BRDT: variants seen among roughly 807,000 people sequenced by gnomAD.
BRDT encodes bromodomain testis associated, also known as bromodomain testis-specific protein.
Under a neutral mutation model 113.9 loss-of-function variants are expected in BRDT, and 77 were observed. The ratio of observed to expected loss-of-function variants is 0.68; its 90% CI spans 0.56 to 0.82. The LOEUF (loss-of-function observed/expected upper bound fraction) is 0.82, where lower values mean the gene tolerates loss of function less well. Among genes scored for constraint, BRDT ranks in the 40% least tolerant of loss-of-function variants. BRDT has a pLI of 0.00. For synonymous variants in BRDT, 358 were observed against 366.5 expected, an observed-to-expected ratio of 0.98 and a Z score of 0.26; for missense variants, 1,027 against 1,105.4, an observed-to-expected ratio of 0.93 and a Z score of 1.01.
intron 3 of BRDT, 35 bp from the exon 4 acceptor site, chr1:91,968,111 G>A: frequency 6.2e-7 from 1 of 1,608,096 alleles, no homozygotes; most frequent in South Asian, 1.1e-5. Context: ...TGACCATACT[G>A]TATATCCTTA....
intron 18 of BRDT, among the ~76,000 whole-genome samples, chr1:92,011,760 A>G (rs1557872970): frequency 6.6e-6 from 1 of 152,226 alleles, no homozygotes. Flanking sequence ...TAGCAGCTTG[A>G]TAACTAACAA....
At position 91,979,199 on chromosome 1, in the gene BRDT, C is replaced by T. The variant is rs573521594; in HGVS notation, c.1099-370C>T. Among the ~76,000 whole-genome samples, 99 of 150,862 alleles carry T rather than the reference C, an allele frequency of 6.6e-4. No homozygotes were observed. The Middle Eastern group carries it at 0.01, about 16-fold the overall frequency. On this transcript the variant is annotated intron_variant, in intron 7 of 18. Coordinates refer to ENST00000399546, the MANE Select transcript of BRDT (RefSeq NM_207189.4). Reference sequence around the variant, plus strand: ...CGCAATCTTGGCTCACTGCAACCTCCGCCTCCCGGGTTCAAGCGATTCTCC... The same window carrying T: ...CGCAATCTTGGCTCACTGCAACCTCTGCCTCCCGGGTTCAAGCGATTCTCC...
intron 1 of BRDT, among the ~76,000 whole-genome samples, chr1:91,958,591 A>G (rs116765700): frequency 0.042 from 6,414 of 152,194 alleles, 176 homozygotes; most frequent in Non-Finnish European, 0.06. Flanking sequence ...CCTTTCACCT[A>G]CTTAAGGACA....
chr1:92,009,315 G>A (rs1330908406), intron 18 of BRDT, among the ~76,000 whole-genome samples: 1 of 151,184 alleles, frequency 6.6e-6, no homozygotes, highest in African/African-American at 2.4e-5. Context: ...AGATTGAATA[G>A]TGTTCCATTA....
chr1:91,987,919 C>T (rs1685408673), intron 12 of BRDT, among the ~76,000 whole-genome samples: 1 of 151,706 alleles, frequency 6.6e-6, no homozygotes, highest in Admixed American at 6.6e-5. Flanking sequence ...GCACACTCTC[C>T]ACTCACTGCA....
chr1:91,994,096 T>C lies in BRDT; in HGVS notation c.2129T>C (p.Val710Ala). 2 of 1,608,036 alleles carry C rather than the reference T, an allele frequency of 1.2e-6. No homozygotes were observed. Among genetic ancestry groups the C allele is most frequent in the Non-Finnish European group, 1.7e-6 (2 of 1,178,154 alleles). ...TTGTTTTAACAGATAGGATATTGTG[T>C]GCAAGACACAACCTCTGCCAATACT... ...RTGVTQIGYC[V>A]QDTTSANTTL... Residue 710 changes from valine (V) to alanine (A), a missense_variant, in exon 15 of 19, where the codon GTG becomes GCG. Coordinates refer to ENST00000399546, the MANE Select transcript of BRDT (RefSeq NM_207189.4).
chr1:91,957,429 C>T (rs920477939), intron 1 of BRDT: 1 of 152,032 alleles, frequency 6.6e-6, no homozygotes, highest in Non-Finnish European at 1.5e-5. Flanking sequence ...GGAGGCGGAG[C>T]TTGGACTGAG....
intron 2 of BRDT, 143 bp downstream of exon 2, chr1:91,963,089 C>G: frequency 1.8e-6 from 1 of 555,818 alleles, no homozygotes; most frequent in Non-Finnish European, 2.9e-6. Flanking sequence ...TTTGGGAGGC[C>G]GAGGTGGGGA....
At position 91,952,726 on chromosome 1, in the gene BRDT, T is replaced by C. The variant is rs1020284190; in HGVS notation, c.-38+3044T>C. Among the ~76,000 whole-genome samples, 3 of 139,368 alleles carry C rather than the reference T, an allele frequency of 2.2e-5. No individual in the cohort carries two copies. In the Admixed American group the frequency reaches 2.4e-4, roughly 11 times the overall value. The allele number at this position is 139,368 out of a possible 152,430, so 91.4% of individuals were successfully genotyped here. A position where few individuals can be genotyped will look rare whatever the true frequency, so the allele number is the denominator to read the frequency against. The stretch of plus-strand genomic sequence containing the variant: ...GAGCTTGAGGCAGGCGGAGGAGTGC[T>C]TGAGCCCAGGAGTTCAAGACCAGCC... On this transcript the variant is annotated intron_variant, in intron 1 of 18. Transcript: ENST00000399546.
chr1:92,001,408 A>G (rs6703718), intron 15 of BRDT, among the ~76,000 whole-genome samples: 1 of 152,086 alleles, frequency 6.6e-6, no homozygotes, highest in Non-Finnish European at 1.5e-5. Flanking sequence ...TGAAATTTAC[A>G]GGCCTGGCCA....
Position 91,981,182 on chromosome 1 carries a change from T to C in BRDT, c.1750+4T>C, listed in dbSNP as rs776951336. On this transcript the variant is annotated splice_donor_region_variant and intron_variant, in intron 10 of 18. Coordinates refer to ENST00000399546, the MANE Select transcript of BRDT (RefSeq NM_207189.4). ...AAGAGACCATTAAAACCTCCTGGTA[T>C]GTATTTCTGCATATTAATAGAAATC... 6.2e-7 allele frequency: 1 copy of C among 1,607,834 alleles called. No individual in the cohort carries two copies. Among genetic ancestry groups the C allele is most frequent in the African/African-American group, 1.3e-5 (1 of 74,410 alleles).
chr1:91,953,449 G>GCAGGAGGATTGCTTGAGCC (rs1415883774), intron 1 of BRDT, among the ~76,000 whole-genome samples: 1 of 152,184 alleles, frequency 6.6e-6, no homozygotes, highest in Non-Finnish European at 1.5e-5. Flanking sequence ...GGAGGCTGAG[G>GCAGGAGGATTGCTTGAGCC]CAGGAGGATT....
intron 6 of BRDT, 142 bp downstream of exon 6, chr1:91,977,535 A>C (rs1684268518): frequency 1.4e-6 from 1 of 694,934 alleles, no homozygotes; most frequent in Non-Finnish European, 2.3e-6. Flanking sequence ...GTCTCTGGAA[A>C]ATTTTAAAAT....
chr1:91,959,094 G>A (rs1682122622), intron 1 of BRDT, among the ~76,000 whole-genome samples: 1 of 152,030 alleles, frequency 6.6e-6, no homozygotes, highest in African/African-American at 2.4e-5. Flanking sequence ...AGTATATTGT[G>A]TAATAAATAC....
chr1:91,993,986 G>C, intron 14 of BRDT, 97 bp from the exon 15 acceptor site: 1 of 971,570 alleles, frequency 1.0e-6, no homozygotes, highest in South Asian at 2.3e-5. Context: ...TAAAAAGGTA[G>C]CATTAAATTA....
At chr1:91,999,613 C>G (rs912090887) in intron 15 of BRDT, among the ~76,000 whole-genome samples, 1 of 152,120 alleles carries the variant, frequency 6.6e-6, no homozygotes, top group Non-Finnish European at 1.5e-5. Context: ...GCTCTTATAG[C>G]AATGAGCTGG....
At chr1:91,982,580 C>G (rs1354565728) in intron 12 of BRDT, among the ~76,000 whole-genome samples, 1 of 152,174 alleles carries the variant, frequency 6.6e-6, no homozygotes, top group Non-Finnish European at 1.5e-5. Flanking sequence ...AAAGAAACAT[C>G]TCACACAGAA....
At chr1:91,954,684 G>C (rs1020849995) in intron 1 of BRDT, among the ~76,000 whole-genome samples, 3 of 152,178 alleles carry the variant, frequency 2.0e-5, no homozygotes, top group African/African-American at 7.2e-5. Flanking sequence ...GGCTGGGTGT[G>C]ATGGCTCACG....
chr1:91,965,063 C>A (rs1232464884), intron 3 of BRDT, among the ~76,000 whole-genome samples: 1 of 151,818 alleles, frequency 6.6e-6, no homozygotes, highest in Non-Finnish European at 1.5e-5. Flanking sequence ...CACCCACCAA[C>A]CTGCCTGGCT....
Sources: allele counts gnomAD v4.1 joint callset (sites outside exome capture counted in the v4.1 genomes callset), GRCh38; gene constraint gnomAD v4.1.1; transcripts MANE v1.5; gene names NCBI Gene and HGNC (gene_info 2026-07-23, HGNC 2026-07-21).